Variants in GRM8 observed in about 807,000 individuals in gnomAD.
GRM8 encodes the protein glutamate metabotropic receptor 8.
A neutral mutation model predicts 87.2 loss-of-function variants in GRM8; 47 were observed. The observed-to-expected ratio is 0.54, with a 90% CI of 0.43 to 0.69. The LOEUF is 0.69. GRM8 is among the 30% of genes least tolerant of loss of function. The pLI, the probability that GRM8 is intolerant of heterozygous loss-of-function variation, is 0.00. For missense variants in GRM8, 1,019 were observed against 1,139.2 expected, an observed-to-expected ratio of 0.89 and a Z score of 1.52; for synonymous variants, 396 against 404.5, an observed-to-expected ratio of 0.98 and a Z score of 0.25.
intron 7 of GRM8, among the ~76,000 whole-genome samples, chr7:126,723,806 C>T (rs925506040): frequency 2.6e-5 from 4 of 152,084 alleles, no homozygotes; most frequent in African/African-American, 7.2e-5. Context: ...TACTTAAGTT[C>T]GGCCACTCTG....
chr7:127,012,209 C>A (rs1364302618), intron 3 of GRM8, among the ~76,000 whole-genome samples: 1 of 152,136 alleles, frequency 6.6e-6, no homozygotes, highest in African/African-American at 2.4e-5. Context: ...TGAAGCCAAT[C>A]CATCTGTGTT....
chr7:127,166,757 ACT>A (rs764550206), intron 2 of GRM8, among the ~76,000 whole-genome samples: 1 of 152,136 alleles, frequency 6.6e-6, no homozygotes, highest in Admixed American at 6.6e-5. Flanking sequence ...AGCTTTTTGC[ACT>A]CTCACATCCT....
At chr7:126,903,775 G>GTGTATATA (rs759583815) in intron 5 of GRM8, among the ~76,000 whole-genome samples, 197 bp downstream of exon 5, 3 of 87,670 alleles carry the variant, frequency 3.4e-5, no homozygotes, top group African/African-American at 1.3e-4. Context: ...ATGTGTGTGT[G>GTGTATATA]TATATATATA....
At chr7:126,891,969 G>C (rs1186271301) in intron 6 of GRM8, among the ~76,000 whole-genome samples, 2 of 138,684 alleles carry the variant, frequency 1.4e-5, no homozygotes, top group Admixed American at 1.5e-4. Context: ...CTGAGATTCA[G>C]CTGTGAATGA....
chr7:127,059,629 C>T (rs1209533419), intron 3 of GRM8, among the ~76,000 whole-genome samples: 1 of 152,130 alleles, frequency 6.6e-6, no homozygotes, highest in Non-Finnish European at 1.5e-5. Context: ...AGCCACCGCG[C>T]CCGGCCCATA....
intron 9 of GRM8, among the ~76,000 whole-genome samples, chr7:126,475,544 C>T (rs1453477445): frequency 6.6e-6 from 1 of 152,038 alleles, no homozygotes; most frequent in Non-Finnish European, 1.5e-5. Context: ...TACTATCCAA[C>T]ATGATCTACA....
rs555670993 is a variant in GRM8, at chr7:126,863,699, T to C, written c.1156+38843A>G. Among the ~76,000 whole-genome samples, 11 of 152,302 alleles carry C rather than the reference T, an allele frequency of 7.2e-5. No homozygotes were observed. The South Asian group carries it at 2.3e-3, about 32-fold the overall frequency. On this transcript the variant is annotated intron_variant, in intron 6 of 10. Transcript: ENST00000339582. Reference sequence around the variant, plus strand: ...GCTTCAGTGAGTTATTGAAGTCTTCTATATTTTTTCTAAATATTTTCATCT... The same window carrying C: ...GCTTCAGTGAGTTATTGAAGTCTTCCATATTTTTTCTAAATATTTTCATCT...
intron 6 of GRM8, among the ~76,000 whole-genome samples, chr7:126,843,313 GA>G (rs202058919): frequency 2.5e-4 from 37 of 150,380 alleles, no homozygotes; most frequent in Admixed American, 1.5e-3. Flanking sequence ...CTATAAAGTA[GA>G]AAAAAAAACT....
intron 2 of GRM8, among the ~76,000 whole-genome samples, chr7:127,231,153 A>C (rs774257049): frequency 1.4e-4 from 21 of 152,192 alleles, no homozygotes; most frequent in Non-Finnish European, 2.5e-4. Flanking sequence ...GGTTGATTGA[A>C]TATCACCTGC....
intron 3 of GRM8, among the ~76,000 whole-genome samples, chr7:126,954,621 A>G (rs1808492922): frequency 6.6e-6 from 1 of 152,164 alleles, no homozygotes; most frequent in Non-Finnish European, 1.5e-5. Flanking sequence ...TAGATTCATT[A>G]CTTTCTAACT....
At chr7:126,884,864 G>C (rs1387986577) in intron 6 of GRM8, among the ~76,000 whole-genome samples, 1 of 152,172 alleles carries the variant, frequency 6.6e-6, no homozygotes, top group Non-Finnish European at 1.5e-5. Context: ...GCTAAAATGA[G>C]TATGGTGCAC....
intron 9 of GRM8, among the ~76,000 whole-genome samples, chr7:126,527,304 G>A (rs771224846): frequency 3.3e-5 from 5 of 152,198 alleles, no homozygotes; most frequent in Non-Finnish European, 5.9e-5. Context: ...GTTGCAGTGA[G>A]CCAAGATGGC....
chr7:127,059,331 CT>C (rs10618329), intron 3 of GRM8, among the ~76,000 whole-genome samples: 46,983 of 130,206 alleles, frequency 0.36, 5,395 homozygotes, highest in Middle Eastern at 0.45. Context: ...TTTTTTTTTG[CT>C]TTTTTTTTTT....
chr7:126,778,249 G>A (rs898381615), intron 6 of GRM8, among the ~76,000 whole-genome samples: 1 of 152,152 alleles, frequency 6.6e-6, no homozygotes, highest in African/African-American at 2.4e-5. Flanking sequence ...TTAGCTGCCT[G>A]AGGACACATG....
intron 10 of GRM8, among the ~76,000 whole-genome samples, chr7:126,442,157 C>T (rs1043950484): frequency 2.0e-5 from 3 of 151,950 alleles, no homozygotes; most frequent in Non-Finnish European, 2.9e-5. Flanking sequence ...AGCCTCCCTC[C>T]CTCCTTTCCT....
intron 2 of GRM8, among the ~76,000 whole-genome samples, chr7:127,136,297 G>A (rs768227418): frequency 2.0e-5 from 3 of 152,012 alleles, no homozygotes; most frequent in African/African-American, 4.8e-5. Flanking sequence ...AATACACTGC[G>A]AATAGTCTAA....
rs574119351 is a variant in GRM8 at position 127,209,009 on chromosome 7, G to A, written c.510+33686C>T. Among the ~76,000 whole-genome samples the A allele has an allele frequency of 2.6e-4, 39 of 152,266 alleles. 1 individual carries two copies. In the South Asian group the frequency reaches 7.5e-3, roughly 29 times the overall value. On this transcript the variant is annotated intron_variant, in intron 2 of 10. Coordinates refer to ENST00000339582, the MANE Select transcript of GRM8 (RefSeq NM_000845.3). Reference sequence around the variant, plus strand: ...AATAGTGTGTGTTTGTTTCAACATCGGGGATATAAATAGGTAAAATGAAGT... The same window carrying A: ...AATAGTGTGTGTTTGTTTCAACATCAGGGATATAAATAGGTAAAATGAAGT...
At chr7:126,630,941 AG>A (rs1209360697) in intron 7 of GRM8, among the ~76,000 whole-genome samples, 2 of 152,156 alleles carry the variant, frequency 1.3e-5, no homozygotes, top group Non-Finnish European at 2.9e-5. Flanking sequence ...AATGGGCAAA[AG>A]CTGAAAGCAT....
chr7:127,209,436 C>A (rs1176375056), intron 2 of GRM8, among the ~76,000 whole-genome samples: 1 of 152,180 alleles, frequency 6.6e-6, no homozygotes, highest in Non-Finnish European at 1.5e-5. Context: ...ATTCCAGAAA[C>A]CCTGAGAATC....
Sources: allele counts gnomAD v4.1 joint callset (sites outside exome capture counted in the v4.1 genomes callset), GRCh38; gene constraint gnomAD v4.1.1; transcripts MANE v1.5; gene names NCBI Gene and HGNC (gene_info 2026-07-23, HGNC 2026-07-21).